TENM4: variants seen among roughly 807,000 people sequenced by gnomAD.
The protein encoded by TENM4 is teneurin-4.
Under a neutral mutation model 243.3 loss-of-function variants are expected in TENM4, and 82 were observed. That is an observed-to-expected ratio of 0.34 (90% confidence interval 0.28 to 0.40). The LOEUF is 0.40. Ranked by LOEUF, TENM4 falls within the 10% of genes least tolerant of loss-of-function variation. The pLI is 1.00. For missense variants in TENM4, 3,138 were observed against 3,673.3 expected (o/e 0.85, Z 3.77); for synonymous variants, 1,412 against 1,456.3 (o/e 0.97, Z 0.69).
chr11:79,288,922 G>A (rs1856307147), intron 2 of TENM4, among the ~76,000 whole-genome samples: 1 of 152,152 alleles, frequency 6.6e-6, no homozygotes. Flanking sequence ...AGGGAAAACT[G>A]CATTTACTAG....
Position 78,653,112 on chromosome 11 carries a change from T to A in TENM4, c.*4946A>T, listed in dbSNP as rs527787978. On this transcript the variant is annotated 3_prime_UTR_variant, in exon 34 of 34. Coordinates refer to ENST00000278550, the MANE Select transcript of TENM4 (RefSeq NM_001098816.3). ...TTAGAGACCCTCTGGACATCCCTCT[T>A]GACAGAGCTGCAGCCTGGAGGGATT... 3 of 152,214 alleles carry A rather than the reference T, an allele frequency of 2.0e-5. No homozygotes were observed. Among genetic ancestry groups the A allele is most frequent in the Non-Finnish European group, 4.4e-5 (3 of 68,048 alleles). The allele number at this position is 152,214 out of a possible 1,614,324, so 9.4% of individuals were successfully genotyped here.
intron 6 of TENM4, among the ~76,000 whole-genome samples, chr11:78,912,262 C>T (rs76617171): frequency 0.022 from 3,371 of 152,190 alleles, 118 homozygotes; most frequent in African/African-American, 0.069. Flanking sequence ...GGGCTCACCC[C>T]GACTTCCAGT....
At chr11:79,401,237 A>G (rs1323149611) in intron 1 of TENM4, among the ~76,000 whole-genome samples, 1 of 152,164 alleles carries the variant, frequency 6.6e-6, no homozygotes, top group East Asian at 1.9e-4. Context: ...GCAGTTATGT[A>G]TGCAAGCCTT....
chr11:79,337,480 G>T (rs1190453049), intron 1 of TENM4, among the ~76,000 whole-genome samples: 1 of 152,174 alleles, frequency 6.6e-6, no homozygotes, highest in Non-Finnish European at 1.5e-5. Flanking sequence ...TTCCTTTGAG[G>T]ATTTGAAATT....
At chr11:79,275,862 C>T (rs1212303731) in intron 2 of TENM4, among the ~76,000 whole-genome samples, 2 of 152,208 alleles carry the variant, frequency 1.3e-5, no homozygotes, top group African/African-American at 2.4e-5. Context: ...CCTCCTGGTC[C>T]AGCCTAAGAC....
chr11:78,926,632 CA>C (rs1856556636), intron 6 of TENM4, among the ~76,000 whole-genome samples: 1 of 150,688 alleles, frequency 6.6e-6, no homozygotes, highest in African/African-American at 2.4e-5. Flanking sequence ...ATTTTGTACA[CA>C]TATCACTTTC....
At chr11:78,887,454 C>T (rs374302697) in intron 9 of TENM4, among the ~76,000 whole-genome samples, 38 of 152,326 alleles carry the variant, frequency 2.5e-4, no homozygotes, top group South Asian at 2.1e-4. Flanking sequence ...TTTTAAGCTA[C>T]GAATACCTCA....
chr11:78,770,413 C>T (rs1856622897), intron 18 of TENM4, among the ~76,000 whole-genome samples: 1 of 152,212 alleles, frequency 6.6e-6, no homozygotes, highest in Non-Finnish European at 1.5e-5. Flanking sequence ...CAGGTCTTCA[C>T]TCTCAGCTAA....
chr11:78,855,360 T>TC (rs1266039973), intron 11 of TENM4, among the ~76,000 whole-genome samples: 1 of 152,170 alleles, frequency 6.6e-6, no homozygotes, highest in Non-Finnish European at 1.5e-5. Context: ...TTAATCATGA[T>TC]TGGTAATATG....
chr11:79,003,243 G>A (rs756624195), intron 6 of TENM4, among the ~76,000 whole-genome samples: 39 of 152,114 alleles, frequency 2.6e-4, no homozygotes, highest in Non-Finnish European at 5.1e-4. Flanking sequence ...ATATCACCCA[G>A]GAAAATTTCC....
intron 4 of TENM4, among the ~76,000 whole-genome samples, chr11:79,085,360 G>C (rs1377782195): frequency 7.0e-6 from 1 of 143,326 alleles, no homozygotes; most frequent in Non-Finnish European, 1.5e-5. Context: ...CTGGGCGAAA[G>C]AGCGAGACTC....
intron 4 of TENM4, among the ~76,000 whole-genome samples, chr11:79,105,170 T>G (rs1412111091): frequency 6.6e-6 from 1 of 152,200 alleles, no homozygotes; most frequent in Admixed American, 6.5e-5. Context: ...ATTTTCACCC[T>G]CTCAACATAT....
intron 2 of TENM4, among the ~76,000 whole-genome samples, chr11:79,222,149 G>T (rs972641095): frequency 1.1e-4 from 16 of 152,332 alleles, no homozygotes; most frequent in African/African-American, 3.8e-4. Context: ...TCTGTGCTAT[G>T]GCAGGGACAT....
chr11:79,416,306 G>A (rs112709107), intron 1 of TENM4, among the ~76,000 whole-genome samples: 56 of 152,294 alleles, frequency 3.7e-4, no homozygotes, highest in African/African-American at 1.2e-3. Flanking sequence ...ATGGTTTTAA[G>A]AAGCTGCCAA....
At chr11:79,070,102 C>G in intron 4 of TENM4, 93 bp from the exon 5 acceptor site, 4 of 1,399,698 alleles carry the variant, frequency 2.9e-6, no homozygotes, top group African/African-American at 1.4e-5. Context: ...GCCCTGTGGA[C>G]AGAGAACCCC....
At chr11:79,064,519 A>G in intron 6 of TENM4, 1 of 608,976 alleles carries the variant, frequency 1.6e-6, no homozygotes, top group African/African-American at 1.8e-5. Flanking sequence ...CGCCTCCCTA[A>G]TCCGGAAGCA....
intron 24 of TENM4, among the ~76,000 whole-genome samples, chr11:78,721,262 T>G (rs933685545): frequency 1.3e-5 from 2 of 152,246 alleles, no homozygotes; most frequent in East Asian, 3.8e-4. Flanking sequence ...GCAGAGAATA[T>G]TCCCCTGGTG....
At chr11:78,692,365 C>G (rs1458773253) in intron 28 of TENM4, among the ~76,000 whole-genome samples, 1 of 152,150 alleles carries the variant, frequency 6.6e-6, no homozygotes, top group Non-Finnish European at 1.5e-5. Context: ...AAGTCTCCAC[C>G]ACAAATGATA....
At chr11:78,739,341 T>C (rs1340398638) in intron 19 of TENM4, among the ~76,000 whole-genome samples, 2 of 152,184 alleles carry the variant, frequency 1.3e-5, no homozygotes, top group Non-Finnish European at 2.9e-5. Context: ...ATTTCACCCT[T>C]GAAGAGCCAA....
Sources: allele counts gnomAD v4.1 joint callset (sites outside exome capture counted in the v4.1 genomes callset), GRCh38; gene constraint gnomAD v4.1.1; transcripts MANE v1.5; gene names NCBI Gene and HGNC (gene_info 2026-07-23, HGNC 2026-07-21).